The following PAFAH2 variants were observed in gnomAD, a reference collection of about 807,000 sequenced individuals.
PAFAH2 encodes the protein platelet-activating factor acetylhydrolase 2, cytoplasmic.
PAFAH2 carries 42 observed loss-of-function variants against 49.0 expected under a neutral mutation model. The observed-to-expected ratio is 0.86, with a 90% CI of 0.67 to 1.11. The LOEUF is 1.11. Among genes scored for constraint, PAFAH2 ranks in the 50% least tolerant of loss-of-function variants. The probability of loss-of-function intolerance (pLI) is 0.00; values close to 1 mark genes in which losing one functional copy is unlikely to be tolerated. For missense variants in PAFAH2, 503 were observed against 501.8 expected, an observed-to-expected ratio of 1.00 and a Z score of -0.02; for synonymous variants, 184 against 181.3, an observed-to-expected ratio of 1.01 and a Z score of -0.12.
intron 1 of PAFAH2, among the ~76,000 whole-genome samples, chr1:25,991,621 G>A (rs1289170888): frequency 6.8e-6 from 1 of 146,562 alleles, no homozygotes; most frequent in South Asian, 2.4e-4. Flanking sequence ...GGCCAGGCAC[G>A]GTGGCTCACG....
chr1:25,962,148 CA>C, intron 10 of PAFAH2, 65 bp from the exon 11 acceptor site: 1 of 1,352,502 alleles, frequency 7.4e-7, no homozygotes, highest in Non-Finnish European at 1.1e-6. Flanking sequence ...GAGTAGCTGA[CA>C]TGCATTGAAG....
chr1:25,977,525 T>G (rs1235567903), intron 7 of PAFAH2, among the ~76,000 whole-genome samples: 1 of 151,152 alleles, frequency 6.6e-6, no homozygotes, highest in Non-Finnish European at 1.5e-5. Context: ...CATGGTGGCG[T>G]GCAAGTATGG....
intron 4 of PAFAH2, among the ~76,000 whole-genome samples, chr1:25,985,961 C>T (rs559477500): frequency 1.4e-4 from 22 of 152,326 alleles, no homozygotes; most frequent in African/African-American, 4.8e-4. Flanking sequence ...ACAGCACAGC[C>T]CTTGTATTCA....
intron 4 of PAFAH2, among the ~76,000 whole-genome samples, chr1:25,984,845 CT>C (rs34522205): frequency 0.18 from 19,036 of 103,756 alleles, 812 homozygotes; most frequent in African/African-American, 0.22. Context: ...AGAGAGATTT[CT>C]TTTTTTTTTT....
chr1:25,983,783 G>GC (rs1246080114), intron 6 of PAFAH2, among the ~76,000 whole-genome samples, 163 bp downstream of exon 6: 1 of 152,128 alleles, frequency 6.6e-6, no homozygotes, highest in African/African-American at 2.4e-5. Context: ...CACAGCAATT[G>GC]CAAGAGTCCT....
intron 8 of PAFAH2, 124 bp from the exon 9 acceptor site, chr1:25,974,774 G>A (rs1380406787): frequency 1.3e-6 from 1 of 786,018 alleles, no homozygotes; most frequent in Non-Finnish European, 2.0e-6. Flanking sequence ...CAGGAGGGGG[G>A]TACCAGGGCC....
At chr1:25,996,990 C>G (rs1327432135) in intron 1 of PAFAH2, among the ~76,000 whole-genome samples, 1 of 152,210 alleles carries the variant, frequency 6.6e-6, no homozygotes, top group Non-Finnish European at 1.5e-5. Flanking sequence ...AAGCCAGTGT[C>G]TACTGAACAG....
chr1:25,991,577 T>C (rs1403249812), intron 1 of PAFAH2, among the ~76,000 whole-genome samples: 3 of 141,688 alleles, frequency 2.1e-5, no homozygotes, highest in Non-Finnish European at 4.6e-5. Flanking sequence ...CCACCGCGCC[T>C]GGCCTGAGGT....
At chr1:25,972,901 A>T (rs1334625609) in intron 9 of PAFAH2, among the ~76,000 whole-genome samples, 189 bp from the exon 10 acceptor site, 1 of 152,334 alleles carries the variant, frequency 6.6e-6, no homozygotes, top group Non-Finnish European at 1.5e-5. Flanking sequence ...GGGTCAGGTC[A>T]TACAAGTAGT....
chr1:25,984,886 T>C (rs2049757693), intron 4 of PAFAH2, among the ~76,000 whole-genome samples: 1 of 146,502 alleles, frequency 6.8e-6, no homozygotes, highest in Non-Finnish European at 1.5e-5. Flanking sequence ...TCTCGCTCTG[T>C]TGCCCAGGCT....
chr1:25,980,506 G>A (rs1019348556), intron 7 of PAFAH2, among the ~76,000 whole-genome samples: 7 of 150,670 alleles, frequency 4.6e-5, no homozygotes, highest in Admixed American at 2.0e-4. Context: ...ACGGGGTTTC[G>A]CCATGTTGGC....
chr1:25,981,682 C>T (rs1236747692), intron 7 of PAFAH2, among the ~76,000 whole-genome samples: 1 of 152,240 alleles, frequency 6.6e-6, no homozygotes, highest in Non-Finnish European at 1.5e-5. Context: ...AGGGTCACAG[C>T]TTTCCCAGAT....
At chr1:25,963,118 C>T (rs2049364582) in intron 10 of PAFAH2, among the ~76,000 whole-genome samples, 1 of 152,176 alleles carries the variant, frequency 6.6e-6, no homozygotes, top group South Asian at 2.1e-4. Flanking sequence ...TGGTGTCCTT[C>T]CTCAAAACAA....
chr1:25,974,273 A>G (rs1015557765), intron 9 of PAFAH2, among the ~76,000 whole-genome samples: 34 of 152,332 alleles, frequency 2.2e-4, no homozygotes, highest in Middle Eastern at 3.4e-3. Context: ...AAAGTCAGAT[A>G]AACTATGGAA....
Position 25,988,331 on chromosome 1 carries a change from G to A in PAFAH2, c.245-4C>T, listed in dbSNP as rs770185473. The stretch of plus-strand genomic sequence containing the variant: ...CTAACAGGCAGGCGACAAGATCCTA[G>A]CAGAGACATGGGCTATAGAATATCT... On this transcript the variant is annotated splice_polypyrimidine_tract_variant and splice_region_variant and intron_variant, in intron 3 of 10. Transcript: ENST00000374282. 8.1e-6 allele frequency: 13 copies of A among 1,606,960 alleles called. No homozygotes were observed. The South Asian group carries it at 1.3e-4, about 16-fold the overall frequency.
chr1:25,982,320 A>G (rs762400492), intron 7 of PAFAH2, 44 bp downstream of exon 7: 24 of 1,384,188 alleles, frequency 1.7e-5, no homozygotes, highest in South Asian at 3.5e-5. Flanking sequence ...TAACCGAGAA[A>G]ACCCTGAATA....
intron 6 of PAFAH2, 112 bp downstream of exon 6, chr1:25,983,834 G>T (rs925317506): frequency 1.7e-6 from 2 of 1,192,844 alleles, no homozygotes; most frequent in Non-Finnish European, 2.4e-6. Context: ...GGCAAACTCA[G>T]ACCCACTATG....
intron 7 of PAFAH2, among the ~76,000 whole-genome samples, chr1:25,980,876 G>A (rs2049677231): frequency 6.6e-6 from 1 of 151,862 alleles, no homozygotes; most frequent in Non-Finnish European, 1.5e-5. Context: ...AATTAGCTGG[G>A]CATGGTGGCG....
intron 10 of PAFAH2, among the ~76,000 whole-genome samples, chr1:25,965,625 G>A (rs2049407817): frequency 6.6e-6 from 1 of 151,996 alleles, no homozygotes; most frequent in Non-Finnish European, 1.5e-5. Flanking sequence ...AGACCAGTCT[G>A]GCTAACATGG....
Sources: allele counts gnomAD v4.1 joint callset (sites outside exome capture counted in the v4.1 genomes callset), GRCh38; gene constraint gnomAD v4.1.1; transcripts MANE v1.5; gene names NCBI Gene and HGNC (gene_info 2026-07-23, HGNC 2026-07-21).